MEX3D: variants seen among roughly 807,000 people sequenced by gnomAD.
The protein encoded by MEX3D is mex-3 RNA binding family member D, also known as RNA-binding protein MEX3D.
MEX3D carries 4 observed loss-of-function variants against 6.3 expected under a neutral mutation model. The observed-to-expected ratio is 0.64, with a 90% confidence interval of 0.31 to 1.46. The LOEUF (loss-of-function observed/expected upper bound fraction) is 1.46, where lower values mean the gene tolerates loss of function less well. Among genes scored for constraint, MEX3D ranks in the 40% most tolerant of loss-of-function variants. The probability of loss-of-function intolerance (pLI) is 0.07; values close to 1 mark genes in which losing one functional copy is unlikely to be tolerated. For missense variants in MEX3D, 1,038 were observed against 994.4 expected (o/e 1.04, Z -0.59); for synonymous variants, 626 against 494.1 (o/e 1.27, Z -3.54).
chr19:1,560,843 T>C (rs1249744377), intron 1 of MEX3D, among the ~76,000 whole-genome samples: 1 of 151,858 alleles, frequency 6.6e-6, no homozygotes, highest in African/African-American at 2.4e-5. Flanking sequence ...CCCCCAAAAC[T>C]CCACCCACAT....
chr19:1,562,280 C>T (rs148389949), intron 1 of MEX3D, among the ~76,000 whole-genome samples: 7,939 of 134,756 alleles, frequency 0.059, 346 homozygotes, highest in East Asian at 0.23. Flanking sequence ...AAAAAATTAG[C>T]CAGGTGTGGA....
chr19:1,567,582 G>C lies in MEX3D; in HGVS notation c.477C>G (p.Pro159=). The change falls in exon 1 of 2, where the codon CCC becomes CCG. Residue 159 remains proline (P), a synonymous_variant. Transcript: ENST00000402693. The surrounding 1 kb of genome is among the most constrained non-coding windows in gnomAD (Gnocchi z 6.5). ...GFAPHPAALG[P]PTLLADQMSV... The stretch of plus-strand genomic sequence containing the variant: ...TCATCTGGTCGGCCAGCAGCGTCGG[G>C]GGCCCCAGGGCCGCGGGGTGGGGCG... The C allele has an allele frequency of 6.8e-7, 1 of 1,479,968 alleles. No individual in the cohort carries two copies. Among genetic ancestry groups the C allele is most frequent in the South Asian group, 1.3e-5 (1 of 77,262 alleles). The allele number at this position is 1,479,968 out of a possible 1,614,324, so 91.7% of individuals were successfully genotyped here.
At position 1,558,391 on chromosome 19, in the gene MEX3D, G is replaced by GAC. The variant is rs1328814583; in HGVS notation, c.596-1470_596-1469dup. Among the ~76,000 whole-genome samples, 379 of 149,628 alleles carry GAC rather than the reference G, an allele frequency of 2.5e-3. 1 individual carries two copies. The highest frequency in any genetic ancestry group is 8.2e-3 in the African/African-American group (335 of 40,624). On this transcript the variant is annotated intron_variant, in intron 1 of 1. Coordinates refer to ENST00000402693, the MANE Select transcript of MEX3D (RefSeq NM_203304.4). ...AAAAAAGAAGGAAAAAAAAAAAAAA[G>GAC]ACACACACACACAGAGAAGCTGGCC...
intron 1 of MEX3D, among the ~76,000 whole-genome samples, chr19:1,559,319 G>T (rs1914661040): frequency 6.6e-6 from 1 of 152,192 alleles, no homozygotes. Flanking sequence ...TTTTAGTACA[G>T]ATGGGATTGC....
In MEX3D at chr19:1,567,664, C is replaced by T; in HGVS notation, c.395G>A (p.Ser132Asn). The part of the protein sequence containing the change: ...GSLPLLDPNA[S>N]PPPPPPPRPS... ...CCGGGGCGGCGGCGGCGGCGGGGGA[C>T]TCGCGTTGGGGTCCAGCAGCGGCAG... Residue 132 changes from serine (S) to asparagine (N), a missense_variant, in exon 1 of 2, where the codon AGT (serine) becomes AAT (asparagine). Ser to Asn is a conservative substitution (Grantham distance 46, BLOSUM62 1). Coordinates refer to ENST00000402693, the MANE Select transcript of MEX3D (RefSeq NM_203304.4). The surrounding 1 kb of genome is among the most constrained non-coding windows in gnomAD (Gnocchi z 6.5). 2.5e-6 allele frequency: 3 copies of T among 1,199,942 alleles called. No homozygotes were observed. The highest frequency in any genetic ancestry group is 3.1e-6 in the Non-Finnish European group (3 of 959,804). 74.3% of individuals were successfully genotyped at this position (1,199,942 alleles called of 1,614,324 possible). A position where few individuals can be genotyped will look rare whatever the true frequency, so the allele number is the denominator to read the frequency against.
chr19:1,567,725 G>C lies in MEX3D; in HGVS notation c.334C>G (p.Pro112Ala). 1.0e-6 allele frequency: 1 copy of C among 1,002,068 alleles called. No homozygotes were observed. Among genetic ancestry groups the C allele is most frequent in the Non-Finnish European group, 1.2e-6 (1 of 833,266 alleles). The allele number at this position is 1,002,068 out of a possible 1,614,324, so 62.1% of individuals were successfully genotyped here. A position where few individuals can be genotyped will look rare whatever the true frequency, so the allele number is the denominator to read the frequency against. ...VPPDGPEAGAPPTLAPAVAPG... is the reference protein window; with the variant it reads ...VPPDGPEAGAAPTLAPAVAPG... ...GCCACGGCGGGGGCCAGGGTCGGGG[G>C]CGCGCCGGCCTCAGGTCCGTCGGGG... Residue 112 changes from proline to alanine, a missense_variant, in exon 1 of 2, where the codon CCC becomes GCC. By Grantham distance (27) the Pro-to-Ala change is conservative (BLOSUM62 -1). Transcript: ENST00000402693. The surrounding 1 kb of genome is among the most constrained non-coding windows in gnomAD (Gnocchi z 6.5).
Position 1,555,279 on chromosome 19 carries a change from TAAA to T in MEX3D, c.*281_*283del. On this transcript the variant is annotated 3_prime_UTR_variant, in exon 2 of 2. Coordinates refer to ENST00000402693, the MANE Select transcript of MEX3D (RefSeq NM_203304.4). The stretch of plus-strand genomic sequence containing the variant: ...GAGGGGTGTCTAAAAATAAGAAAAC[TAAA>T]AAAAGTGCAAGCGGACCTTTTCTCT... The T allele has an allele frequency of 6.5e-7, 1 of 1,536,556 alleles. No homozygotes were observed. The highest frequency in any genetic ancestry group is 1.1e-5 in the South Asian group (1 of 87,216).
chr19:1,564,954 G>A (rs1408328845), intron 1 of MEX3D, among the ~76,000 whole-genome samples: 1 of 152,200 alleles, frequency 6.6e-6, no homozygotes, highest in Non-Finnish European at 1.5e-5. Context: ...CAGTGTGGAA[G>A]AAGTACAGAC....
At chr19:1,561,364 C>T (rs1022865933) in intron 1 of MEX3D, among the ~76,000 whole-genome samples, 7 of 152,316 alleles carry the variant, frequency 4.6e-5, no homozygotes, top group African/African-American at 1.4e-4. Flanking sequence ...CAGGACGGGG[C>T]GAGAACAAGG....
In MEX3D at chr19:1,567,425, G is replaced by T; in HGVS notation, c.595+39C>A. ...CCCTTCCCCGGGGCGGACGGTGCGGGGACCCCCAGGACAGCAACCCCCGAC... is the reference window on the plus strand; with the variant it reads ...CCCTTCCCCGGGGCGGACGGTGCGGTGACCCCCAGGACAGCAACCCCCGAC... On this transcript the variant is annotated intron_variant, in intron 1 of 1. Coordinates refer to ENST00000402693, the MANE Select transcript of MEX3D (RefSeq NM_203304.4). This position sits in a 1 kb window ranked among gnomAD's most constrained non-coding sequence, Gnocchi z 6.5. 3.3e-6 allele frequency: 5 copies of T among 1,534,508 alleles called. No homozygotes were observed. Among genetic ancestry groups the T allele is most frequent in the Non-Finnish European group, 4.4e-6 (5 of 1,145,612 alleles).
Position 1,555,244 on chromosome 19 carries a change from C to T in MEX3D, c.*319G>A. 1 of 1,361,186 alleles carries T rather than the reference C, an allele frequency of 7.3e-7. No homozygotes were observed. The highest frequency in any genetic ancestry group is 1.2e-5 in the South Asian group (1 of 80,576). The allele number at this position is 1,361,186 out of a possible 1,614,324, so 84.3% of individuals were successfully genotyped here. On this transcript the variant is annotated 3_prime_UTR_variant, in exon 2 of 2. Transcript: ENST00000402693. ...TTTTGTTTTGCTTTTTTAAAGATCA[C>T]CCTGGAGGGGAGGGGTGTCTAAAAA...
In MEX3D at chr19:1,567,611, A is replaced by G. The variant is rs1029174124; in HGVS notation, c.448T>C (p.Phe150Leu). 2 of 1,413,278 alleles carry G rather than the reference A, an allele frequency of 1.4e-6. No individual in the cohort carries two copies. Among genetic ancestry groups the G allele is most frequent in the Non-Finnish European group, 1.9e-6 (2 of 1,078,558 alleles). 87.5% of individuals were successfully genotyped at this position (1,413,278 alleles called of 1,614,324 possible). A position where few individuals can be genotyped will look rare whatever the true frequency, so the allele number is the denominator to read the frequency against. ...RPSPPDVFAG[F>L]APHPAALGPP... ...CCCAGGGCCGCGGGGTGGGGCGCGA[A>G]GCCCGCGAACACGTCGGGGGGCGAC... is the stretch of plus-strand genomic sequence containing the variant. Residue 150 changes from phenylalanine to leucine, a missense_variant, in exon 1 of 2, where the codon TTC (phenylalanine) becomes CTC (leucine). Physicochemically the swap from Phe to Leu is conservative, Grantham distance 22. Transcript: ENST00000402693. The surrounding 1 kb of genome is among the most constrained non-coding windows in gnomAD (Gnocchi z 6.5).
rs537919831 is a variant in MEX3D, at chr19:1,558,476, C to G, written c.596-1553G>C. 2.8e-4 allele frequency among the ~76,000 whole-genome samples: 42 copies of G among 152,114 alleles called. No individual in the cohort carries two copies. In the South Asian group the frequency reaches 8.3e-3, roughly 30 times the overall value. Reference sequence around the variant, plus strand: ...TCTACAAGCCAAGGACTGGCCATAGCCCCCGGAAACTGAAGGCGCCCCCCG... The same window carrying G: ...TCTACAAGCCAAGGACTGGCCATAGGCCCCGGAAACTGAAGGCGCCCCCCG... On this transcript the variant is annotated intron_variant, in intron 1 of 1. Transcript: ENST00000402693.
chr19:1,565,808 C>CCA (rs1176280902), intron 1 of MEX3D, among the ~76,000 whole-genome samples: 3 of 152,218 alleles, frequency 2.0e-5, no homozygotes, highest in African/African-American at 7.2e-5. Flanking sequence ...ACTCCATTTC[C>CCA]CATGGACCTG....
chr19:1,555,974 G>C lies in MEX3D; in HGVS notation c.1545C>G (p.Pro515=), dbSNP rs986038588. Residue 515 remains proline, a synonymous_variant, in exon 2 of 2, where the codon CCC becomes CCG. Transcript: ENST00000402693. ...SSGAGTPRHS[P]TLPEPGGLRL... ...GGAGGCCGCCGGGCTCGGGCAGCGT[G>C]GGCGAGTGGCGGGGGGTCCCGGCCC... The C allele has an allele frequency of 3.7e-4, 428 of 1,172,536 alleles. 1 individual carries two copies. The highest frequency in any genetic ancestry group is 4.3e-4 in the Non-Finnish European group (409 of 949,566). 72.6% of individuals were successfully genotyped at this position (1,172,536 alleles called of 1,614,324 possible).
rs1173357542 is a variant in MEX3D at position 1,555,742 on chromosome 19, C to CCGAGGA, written c.1771_1776dup (p.Ser591_Ser592dup). The CCGAGGA allele has an allele frequency of 1.3e-6, 2 of 1,513,644 alleles. No homozygotes were observed. Among genetic ancestry groups the CCGAGGA allele is most frequent in the African/African-American group, 1.4e-5 (1 of 69,674 alleles). 93.8% of individuals were successfully genotyped at this position (1,513,644 alleles called of 1,614,324 possible). On this transcript the variant is annotated inframe_insertion, in exon 2 of 2. Coordinates refer to ENST00000402693, the MANE Select transcript of MEX3D (RefSeq NM_203304.4). ...ACGCACTCTCGCGCCAGGGCCGGGG[C>CCGAGGA]CGAGGACGCCGAAGGGGGCTTGCGG... is the stretch of plus-strand genomic sequence containing the variant.
At position 1,556,865 on chromosome 19, in the gene MEX3D, C is replaced by T. The variant is rs764152057; in HGVS notation, c.654G>A (p.Arg218=). The change falls in exon 2 of 2, where the codon CGG becomes CGA. Residue 218 remains arginine, a synonymous_variant. Transcript: ENST00000402693. The surrounding 1 kb of genome is among the most constrained non-coding windows in gnomAD (Gnocchi z 7.5). The part of the protein sequence containing the change: ...KTNTYIKTPV[R]GEEPVFIVTG... ...TCACGATGAAGACCGGCTCCTCGCC[C>T]CGCACTGGGGTCTTGATGTAGGTGT... 1 of 1,612,466 alleles carries T rather than the reference C, an allele frequency of 6.2e-7. No homozygotes were observed. The highest frequency in any genetic ancestry group is 2.2e-5 in the East Asian group (1 of 44,874).
intron 1 of MEX3D, among the ~76,000 whole-genome samples, chr19:1,560,617 G>A (rs947709371): frequency 3.9e-5 from 6 of 151,928 alleles, no homozygotes; most frequent in Non-Finnish European, 7.4e-5. Flanking sequence ...GGAAGGGGGC[G>A]TGTGACTGTC....
intron 1 of MEX3D, among the ~76,000 whole-genome samples, chr19:1,563,592 A>T (rs971015944): frequency 2.0e-5 from 3 of 152,116 alleles, no homozygotes; most frequent in Non-Finnish European, 4.4e-5. Flanking sequence ...GGGGTGAGAA[A>T]GGAGGGTACA....
Sources: gnomAD v4.1 joint callset for allele counts (sites outside exome capture counted in the v4.1 genomes callset) on GRCh38, gnomAD v4.1.1 for gene constraint, Gnocchi (gnomAD v3.1) non-coding constraint, MANE v1.5 for transcripts, NCBI Gene and HGNC (gene_info 2026-07-23, HGNC 2026-07-21) for gene names.